The following TMEM106B variants were observed in gnomAD, a reference collection of about 807,000 sequenced individuals.
TMEM106B encodes the protein transmembrane protein 106B.
In TMEM106B, 15 loss-of-function variants were observed where a neutral mutation model predicts 31.1. The observed-to-expected ratio is 0.48, with a 90% CI of 0.32 to 0.74. The LOEUF (loss-of-function observed/expected upper bound fraction) is 0.74, where lower values mean the gene tolerates loss of function less well. Ranked by LOEUF, TMEM106B falls within the 30% of genes least tolerant of loss-of-function variation. The pLI is 0.03. For missense variants in TMEM106B, 283 were observed against 327.3 expected, an observed-to-expected ratio of 0.86 and a Z score of 1.04; for synonymous variants, 126 against 112.5, an observed-to-expected ratio of 1.12 and a Z score of -0.76.
At chr7:12,215,094 G>C in intron 2 of TMEM106B, 67 bp downstream of exon 2, 1 of 1,406,738 alleles carries the variant, frequency 7.1e-7, no homozygotes. Flanking sequence ...TATAAAAACT[G>C]TGGGTCTCAG....
rs367588483 is a variant in TMEM106B, at chr7:12,224,210, C to T, written c.282-16C>T. ...TCTGATGCACATGTACTTAAATACCCTCTTTTCCTTTTCAGAAAGCTGTAT... is the reference window on the plus strand; with the variant it reads ...TCTGATGCACATGTACTTAAATACCTTCTTTTCCTTTTCAGAAAGCTGTAT... On this transcript the variant is annotated splice_polypyrimidine_tract_variant and intron_variant, in intron 3 of 7. Coordinates refer to ENST00000396668, the MANE Select transcript of TMEM106B (RefSeq NM_001134232.2). 2 of 1,606,450 alleles carry T rather than the reference C, an allele frequency of 1.2e-6. No individual in the cohort carries two copies. Among genetic ancestry groups the T allele is most frequent in the Non-Finnish European group, 1.7e-6 (2 of 1,174,698 alleles).
chr7:12,216,333 GGTTT>G (rs1022602171), intron 2 of TMEM106B, among the ~76,000 whole-genome samples: 1 of 151,288 alleles, frequency 6.6e-6, no homozygotes, highest in African/African-American at 2.4e-5. Flanking sequence ...TTTTTGGGGG[GGTTT>G]GTTTGAGCAA....
Position 12,232,824 on chromosome 7 carries a change from C to G in TMEM106B, c.*849C>G, listed in dbSNP as rs1446542598. 1 of 152,006 alleles carries G rather than the reference C, an allele frequency of 6.6e-6. No individual in the cohort carries two copies. Among genetic ancestry groups the G allele is most frequent in the African/African-American group, 2.4e-5 (1 of 41,392 alleles). 9.4% of individuals were successfully genotyped at this position (152,006 alleles called of 1,614,324 possible). On this transcript the variant is annotated 3_prime_UTR_variant, in exon 8 of 8. Transcript: ENST00000396668. ...AATAGGAAAATGAAATTCAGAAACCCATAGACTGGGAATAGGTTCCAGTTA... is the reference window on the plus strand; with the variant it reads ...AATAGGAAAATGAAATTCAGAAACCGATAGACTGGGAATAGGTTCCAGTTA...
At chr7:12,231,628 T>C in intron 7 of TMEM106B, 1 of 415,770 alleles carries the variant, frequency 2.4e-6, no homozygotes, top group East Asian at 3.4e-5. Context: ...ACTTATTATG[T>C]GTAATTATGT....
Position 12,233,235 on chromosome 7 carries a change from A to ATTTGTTTTTTTT in TMEM106B, c.*1263_*1264insGTTTTTTTTTTT, listed in dbSNP as rs1554310865. 1 of 87,212 alleles carries ATTTGTTTTTTTT rather than the reference A, an allele frequency of 1.1e-5. No individual in the cohort carries two copies. The highest frequency in any genetic ancestry group is 2.2e-5 in the Non-Finnish European group (1 of 45,562). The allele number at this position is 87,212 out of a possible 1,614,324, so 5.4% of individuals were successfully genotyped here. The stretch of plus-strand genomic sequence containing the variant: ...TTTTATATTTTCAGTATCATTTTTC[A>ATTTGTTTTTTTT]TTTTTTTTTTTTTTTGTCTTTTCAC... On this transcript the variant is annotated 3_prime_UTR_variant, in exon 8 of 8. Coordinates refer to ENST00000396668, the MANE Select transcript of TMEM106B (RefSeq NM_001134232.2).
In TMEM106B at chr7:12,218,561, T is replaced by G; in HGVS notation, c.281+40T>G. The G allele has an allele frequency of 2.6e-6, 4 of 1,533,386 alleles. No individual in the cohort carries two copies. In the South Asian group the frequency reaches 4.8e-5, roughly 19 times the overall value. 95.0% of individuals were successfully genotyped at this position (1,533,386 alleles called of 1,614,324 possible). On this transcript the variant is annotated intron_variant, in intron 3 of 7. Coordinates refer to ENST00000396668, the MANE Select transcript of TMEM106B (RefSeq NM_001134232.2). ...GAATATGGCAGTGTTTTATGTTTTA[T>G]TTTTGTTTTTTGTATTTTTTCAAAT...
chr7:12,236,310 C>A lies in TMEM106B; in HGVS notation c.*4335C>A, dbSNP rs902858441. On this transcript the variant is annotated 3_prime_UTR_variant, in exon 8 of 8. Transcript: ENST00000396668. ...ACTAAAGAGATAAAAATGGTAATTT[C>A]CATTTTTAAAAGTAATTTGGTTGTG... 1 of 151,716 alleles carries A rather than the reference C, an allele frequency of 6.6e-6. No homozygotes were observed. Among genetic ancestry groups the A allele is most frequent in the South Asian group, 2.1e-4 (1 of 4,812 alleles). The allele number at this position is 151,716 out of a possible 1,614,324, so 9.4% of individuals were successfully genotyped here.
rs1782131217 is a variant in TMEM106B, at chr7:12,236,162, TGTC to T, written c.*4188_*4190del. The T allele has an allele frequency of 6.6e-6, 1 of 151,982 alleles. No individual in the cohort carries two copies. The highest frequency in any genetic ancestry group is 1.5e-5 in the Non-Finnish European group (1 of 67,852). 9.4% of individuals were successfully genotyped at this position (151,982 alleles called of 1,614,324 possible). ...CTACTTTCAAAGTGAGATTTTCACT[TGTC>T]AGCTTAAATTTCTGACTAGAACTAA... On this transcript the variant is annotated 3_prime_UTR_variant, in exon 8 of 8. Transcript: ENST00000396668.
chr7:12,212,148 G>A (rs1244563843), intron 1 of TMEM106B, among the ~76,000 whole-genome samples: 2 of 152,180 alleles, frequency 1.3e-5, no homozygotes, highest in Non-Finnish European at 2.9e-5. Context: ...ATCGATCATG[G>A]CAGCTATTAG....
intron 3 of TMEM106B, among the ~76,000 whole-genome samples, chr7:12,218,754 A>G (rs1186419358): frequency 1.3e-5 from 2 of 152,126 alleles, no homozygotes; most frequent in Non-Finnish European, 2.9e-5. Flanking sequence ...ATGGAAATAG[A>G]TCTAGAATAG....
rs953795434 is a variant in TMEM106B, at chr7:12,240,720, G to A, written c.*8745G>A. ...TGTTTCCTTGATCAGTGGTTTTTCA[G>A]AATTTTTTAAAGCTTGTGAAATACT... On this transcript the variant is annotated 3_prime_UTR_variant, in exon 8 of 8. Transcript: ENST00000396668. The A allele has an allele frequency of 6.6e-6, 1 of 150,656 alleles. No individual in the cohort carries two copies. Among genetic ancestry groups the A allele is most frequent in the Non-Finnish European group, 1.5e-5 (1 of 67,780 alleles). The allele number at this position is 150,656 out of a possible 1,614,324, so 9.3% of individuals were successfully genotyped here.
At chr7:12,227,238 A>G (rs1583456360) in intron 4 of TMEM106B, among the ~76,000 whole-genome samples, 1 of 152,056 alleles carries the variant, frequency 6.6e-6, no homozygotes, top group Non-Finnish European at 1.5e-5. Flanking sequence ...TATGTTGAAA[A>G]TGGAACTGCT....
chr7:12,228,870 A>G (rs1483904538), intron 4 of TMEM106B, among the ~76,000 whole-genome samples: 2 of 152,068 alleles, frequency 1.3e-5, no homozygotes, highest in Non-Finnish European at 2.9e-5. Flanking sequence ...GAATTTGAGC[A>G]TTGTAAAATA....
chr7:12,230,861 A>G (rs1331246955), intron 6 of TMEM106B: 4 of 415,954 alleles, frequency 9.6e-6, no homozygotes, highest in Non-Finnish European at 1.7e-5. Context: ...CAACCCTGCA[A>G]CTGCAGTGGC....
chr7:12,222,944 G>C (rs955199799), intron 3 of TMEM106B, among the ~76,000 whole-genome samples: 1 of 152,162 alleles, frequency 6.6e-6, no homozygotes, highest in African/African-American at 2.4e-5. Context: ...GGAAATGGTG[G>C]CGGAGAGTGG....
In TMEM106B at chr7:12,211,349, A is replaced by AG. The variant is rs1414840904; in HGVS notation, c.-79_-78insG. The AG allele has an allele frequency of 6.6e-6, 1 of 152,242 alleles. No homozygotes were observed. The highest frequency in any genetic ancestry group is 2.4e-5 in the African/African-American group (1 of 41,444). 9.4% of individuals were successfully genotyped at this position (152,242 alleles called of 1,614,324 possible). On this transcript the variant is annotated 5_prime_UTR_variant, in exon 1 of 8. Coordinates refer to ENST00000396668, the MANE Select transcript of TMEM106B (RefSeq NM_001134232.2). ...GTCGCTCCACCCCCCGGCTCCCGGG[A>AG]CTGTGGACTCCACGACCCTGTCCTC... is the stretch of plus-strand genomic sequence containing the variant.
chr7:12,224,873 T>G (rs931974336), intron 4 of TMEM106B, among the ~76,000 whole-genome samples: 5 of 151,912 alleles, frequency 3.3e-5, no homozygotes, highest in Non-Finnish European at 5.9e-5. Context: ...ATGCCGTGTT[T>G]TTTTTTTTTT....
chr7:12,231,135 G>C lies in TMEM106B; in HGVS notation c.686+20G>C, dbSNP rs1171555890. The C allele has an allele frequency of 6.4e-7, 1 of 1,570,352 alleles. No homozygotes were observed. Among genetic ancestry groups the C allele is most frequent in the African/African-American group, 1.4e-5 (1 of 72,966 alleles). ...GATGCAGTAAGTACAAATCTTTTTT[G>C]AAAGAGATTTTGCTTGTTAACATTT... On this transcript the variant is annotated intron_variant, in intron 7 of 7. Transcript: ENST00000396668.
At chr7:12,218,881 C>T (rs1356174847) in intron 3 of TMEM106B, among the ~76,000 whole-genome samples, 1 of 152,070 alleles carries the variant, frequency 6.6e-6, no homozygotes, top group Non-Finnish European at 1.5e-5. Context: ...ACCCCAACGG[C>T]CTTAGCAGCT....
Sources: gnomAD v4.1 joint callset for allele counts (sites outside exome capture counted in the v4.1 genomes callset) on GRCh38, gnomAD v4.1.1 for gene constraint, MANE v1.5 for transcripts, NCBI Gene and HGNC (gene_info 2026-07-23, HGNC 2026-07-21) for gene names.